NEK10: variants seen among roughly 807,000 people sequenced by gnomAD.
NEK10 encodes the protein NIMA related kinase 10, also known as serine/threonine-protein kinase Nek10.
Under a neutral mutation model 159.8 loss-of-function variants are expected in NEK10, and 122 were observed. The observed-to-expected ratio is 0.76, with a 90% confidence interval of 0.66 to 0.89. The LOEUF (loss-of-function observed/expected upper bound fraction) is 0.89. Ranked by LOEUF, NEK10 falls within the 40% of genes least tolerant of loss-of-function variation. The probability of loss-of-function intolerance (pLI) is 0.00; values close to 1 mark genes in which losing one functional copy is unlikely to be tolerated. For synonymous variants in NEK10, 466 were observed against 457.1 expected (o/e 1.02, Z -0.25); for missense variants, 1,342 against 1,323.1 (o/e 1.01, Z -0.22).
At position 27,173,020 on chromosome 3, in the gene NEK10, A is replaced by T. The variant is rs562976588; in HGVS notation, c.2777-1147T>A. On this transcript the variant is annotated intron_variant, in intron 28 of 35. Coordinates refer to ENST00000691995, the MANE Select transcript of NEK10 (RefSeq NM_001394966.1). ...GCTTTATTCATGGTAAACCACAATA[A>T]CAACAACAAAAAACAATACTGAATT... Among the ~76,000 whole-genome samples the T allele has an allele frequency of 2.4e-4, 37 of 152,336 alleles. No individual in the cohort carries two copies. The South Asian group carries it at 7.5e-3, about 31-fold the overall frequency.
intron 22 of NEK10, among the ~76,000 whole-genome samples, chr3:27,270,231 G>C (rs963278587): frequency 6.6e-6 from 1 of 152,136 alleles, no homozygotes; most frequent in Non-Finnish European, 1.5e-5. Flanking sequence ...AATAGTAAAG[G>C]TTATTCTGCT....
intron 22 of NEK10, among the ~76,000 whole-genome samples, chr3:27,262,817 C>CT (rs1284136928): frequency 6.6e-6 from 1 of 152,166 alleles, no homozygotes; most frequent in Admixed American, 6.5e-5. Context: ...CGTCTGAAGC[C>CT]TTCTTCTCTC....
chr3:27,208,830 C>T (rs893858876), intron 23 of NEK10, among the ~76,000 whole-genome samples: 2 of 152,226 alleles, frequency 1.3e-5, no homozygotes, highest in Non-Finnish European at 2.9e-5. Flanking sequence ...ACCTTATCCT[C>T]AGAGCATGTG....
intron 32 of NEK10, 109 bp downstream of exon 32, chr3:27,131,771 A>C: frequency 2.1e-6 from 1 of 474,196 alleles, no homozygotes; most frequent in Non-Finnish European, 3.7e-6. Context: ...AGCAATAAGA[A>C]ACTTTAATAG....
At chr3:27,314,713 G>T (rs1257468600) in intron 6 of NEK10, among the ~76,000 whole-genome samples, 1 of 152,126 alleles carries the variant, frequency 6.6e-6, no homozygotes, top group Non-Finnish European at 1.5e-5. Flanking sequence ...AAACCATTTT[G>T]CATAACTGAC....
At chr3:27,130,523 G>A (rs1942492235) in intron 32 of NEK10, among the ~76,000 whole-genome samples, 1 of 152,174 alleles carries the variant, frequency 6.6e-6, no homozygotes, top group Admixed American at 6.5e-5. Context: ...GAGAAGCACT[G>A]ATGGAAAATC....
intron 16 of NEK10, among the ~76,000 whole-genome samples, chr3:27,292,164 TA>T (rs1480666422): frequency 1.3e-5 from 2 of 152,196 alleles, no homozygotes; most frequent in African/African-American, 4.8e-5. Context: ...ACTGTACACT[TA>T]AAATTTTAAG....
chr3:27,192,171 A>G lies in NEK10; in HGVS notation c.2363T>C (p.Met788Thr). ...EVSSMISDVM[M>T]KYLDNLSTSQ... The stretch of plus-strand genomic sequence containing the variant: ...TGTAGATAAGTTGTCTAAATATTTC[A>G]TCATGACATCTGATATCATCGAACT... Residue 788 changes from methionine to threonine, a missense_variant, in exon 26 of 36, where the codon ATG becomes ACG. Transcript: ENST00000691995. The G allele has an allele frequency of 6.2e-7, 1 of 1,614,194 alleles. No homozygotes were observed. The highest frequency in any genetic ancestry group is 2.2e-5 in the East Asian group (1 of 44,886).
At chr3:27,306,311 A>C (rs1001785052) in intron 11 of NEK10, among the ~76,000 whole-genome samples, 6 of 151,954 alleles carry the variant, frequency 3.9e-5, no homozygotes, top group Admixed American at 1.3e-4. Context: ...TCCCTCTTTC[A>C]TCTACCTCTC....
Position 27,111,219 on chromosome 3 carries a change from T to C in NEK10, c.*53A>G. 6.5e-7 allele frequency: 1 copy of C among 1,547,454 alleles called. No individual in the cohort carries two copies. The highest frequency in any genetic ancestry group is 8.9e-7 in the Non-Finnish European group (1 of 1,122,986). ...GGGCATCTTGCAATAGCGGCTGAAG[T>C]CCAGAACTTGAACTTCACTGAGAAA... On this transcript the variant is annotated 3_prime_UTR_variant, in exon 36 of 36. Coordinates refer to ENST00000691995, the MANE Select transcript of NEK10 (RefSeq NM_001394966.1).
chr3:27,244,740 T>C (rs760279108), intron 23 of NEK10, among the ~76,000 whole-genome samples: 1 of 152,142 alleles, frequency 6.6e-6, no homozygotes, highest in East Asian at 1.9e-4. Context: ...GTGCAGTTCC[T>C]GGACTCGCCC....
At chr3:27,365,608 G>GTTTTTTTTTTTTTT (rs1559571320) in intron 1 of NEK10, among the ~76,000 whole-genome samples, 1 of 64,948 alleles carries the variant, frequency 1.5e-5, no homozygotes, top group African/African-American at 7.2e-5. Flanking sequence ...TTTTTTTTTT[G>GTTTTTTTTTTTTTT]TGTTTTTTTT....
chr3:27,109,119 C>T lies in NEK10; in HGVS notation c.*2153G>A, dbSNP rs188348308. ...AATGGCTGGGCACAGTGGCTCACGC[C>T]TCTAATCCCAGCACTTTGGGAGGCC... On this transcript the variant is annotated 3_prime_UTR_variant, in exon 36 of 36. Coordinates refer to ENST00000691995, the MANE Select transcript of NEK10 (RefSeq NM_001394966.1). 1.3e-5 allele frequency among the ~76,000 whole-genome samples: 2 copies of T among 152,332 alleles called. No homozygotes were observed. Among genetic ancestry groups the T allele is most frequent in the East Asian group, 3.9e-4 (2 of 5,178 alleles).
At chr3:27,329,521 A>G (rs1043515029) in intron 5 of NEK10, among the ~76,000 whole-genome samples, 11 of 152,136 alleles carry the variant, frequency 7.2e-5, no homozygotes, top group African/African-American at 2.4e-4. Context: ...AGAAACTGTC[A>G]TTTATTGATT....
intron 23 of NEK10, among the ~76,000 whole-genome samples, chr3:27,208,060 G>T (rs1198154387): frequency 6.6e-6 from 1 of 152,088 alleles, no homozygotes; most frequent in Non-Finnish European, 1.5e-5. Flanking sequence ...CTGTGTGTTT[G>T]TATGTGTATG....
chr3:27,287,574 G>A, intron 20 of NEK10, 124 bp downstream of exon 20: 2 of 974,420 alleles, frequency 2.1e-6, no homozygotes, highest in South Asian at 1.8e-5. Flanking sequence ...ACCATCTACT[G>A]TCATATTAAC....
chr3:27,242,205 T>C (rs1429994440), intron 23 of NEK10, among the ~76,000 whole-genome samples: 1 of 152,210 alleles, frequency 6.6e-6, no homozygotes, highest in Non-Finnish European at 1.5e-5. Flanking sequence ...TTAAACCATG[T>C]GCTTGAAGTA....
intron 32 of NEK10, among the ~76,000 whole-genome samples, chr3:27,121,156 A>G (rs746487239): frequency 2.0e-5 from 3 of 152,164 alleles, no homozygotes; most frequent in Admixed American, 1.3e-4. Context: ...TCTTTTTTTC[A>G]TAATAACTAA....
chr3:27,304,701 A>G (rs766170879), intron 12 of NEK10, 46 bp downstream of exon 12: 1 of 1,236,244 alleles, frequency 8.1e-7, no homozygotes, highest in South Asian at 1.2e-5. Context: ...GAGTCCCCAG[A>G]CTTCAACAAA....
Sources: allele counts gnomAD v4.1 joint callset (sites outside exome capture counted in the v4.1 genomes callset), GRCh38; gene constraint gnomAD v4.1.1; transcripts MANE v1.5; gene names NCBI Gene and HGNC (gene_info 2026-07-23, HGNC 2026-07-21).